Variants in STPG2 observed in about 807,000 individuals in gnomAD.
The protein encoded by STPG2 is sperm-tail PG-rich repeat-containing protein 2.
A neutral mutation model predicts 54.2 loss-of-function variants in STPG2; 56 were observed. The observed-to-expected ratio is 1.03, with a 90% CI of 0.83 to 1.29. The LOEUF (loss-of-function observed/expected upper bound fraction) is 1.29. Ranked by LOEUF, STPG2 falls within the 50% of genes most tolerant of loss-of-function variation. STPG2 has a pLI of 0.00. For synonymous variants in STPG2, 200 were observed against 181.8 expected, an observed-to-expected ratio of 1.10 and a Z score of -0.81; for missense variants, 596 against 544.9, an observed-to-expected ratio of 1.09 and a Z score of -0.93.
chr4:97,886,473 T>C (rs1208070986), intron 8 of STPG2, among the ~76,000 whole-genome samples: 2 of 152,048 alleles, frequency 1.3e-5, no homozygotes, highest in African/African-American at 2.4e-5. Context: ...GGAACAAAAT[T>C]CCTGTGAGCA....
chr4:97,618,128 C>G (rs1733920158), intron 10 of STPG2, among the ~76,000 whole-genome samples: 1 of 152,160 alleles, frequency 6.6e-6, no homozygotes, highest in South Asian at 2.1e-4. Context: ...GGGTGGCTTT[C>G]TTGGCCTGTC....
At chr4:97,941,069 G>A (rs185054017) in intron 8 of STPG2, among the ~76,000 whole-genome samples, 20 of 152,146 alleles carry the variant, frequency 1.3e-4, no homozygotes, top group African/African-American at 4.8e-4. Context: ...TTTAGGTAGA[G>A]GGAGAACTCT....
rs189913295 is a variant in STPG2 at position 97,946,096 on chromosome 4, G to C, written c.934-2089C>G. On this transcript the variant is annotated intron_variant, in intron 7 of 10. Coordinates refer to ENST00000295268, the MANE Select transcript of STPG2 (RefSeq NM_174952.3). ...ATAGAAATAAAGGCCATTCTTGCAG[G>C]AGTGAGGTGGTATCTCATTGCGGTT... 7.0e-3 allele frequency among the ~76,000 whole-genome samples: 1,059 copies of C among 152,186 alleles called. 10 individuals are homozygous for C. The highest frequency in any genetic ancestry group is 8.5e-3 in the Non-Finnish European group (577 of 68,004).
At chr4:97,523,224 G>C (rs148284315) in intron 4 of STPG2, among the ~76,000 whole-genome samples, 2,384 of 151,892 alleles carry the variant, frequency 0.016, 56 homozygotes, top group African/African-American at 0.055. Context: ...CGAGCATTTA[G>C]GAGCTTTGAT....
intron 5 of STPG2, among the ~76,000 whole-genome samples, chr4:98,015,386 A>C (rs538741378): frequency 6.6e-6 from 1 of 152,334 alleles, no homozygotes; most frequent in South Asian, 2.1e-4. Context: ...CTCCATCAAA[A>C]AGTGGGCAAA....
At chr4:97,938,481 GC>G (rs1390641753) in intron 8 of STPG2, among the ~76,000 whole-genome samples, 1 of 37,236 alleles carries the variant, frequency 2.7e-5, no homozygotes, top group Admixed American at 2.7e-4. Context: ...ACAGCAGGCA[GC>G]CACAGTGACG....
intron 5 of STPG2, among the ~76,000 whole-genome samples, chr4:97,997,999 G>A (rs1735297085): frequency 6.6e-6 from 1 of 152,132 alleles, no homozygotes; most frequent in South Asian, 2.1e-4. Context: ...AAAAGAAGCG[G>A]AGACACCAGT....
intron 2 of STPG2, 118 bp from the exon 3 acceptor site, chr4:98,128,710 T>A: frequency 1.2e-6 from 1 of 821,014 alleles, no homozygotes; most frequent in East Asian, 3.0e-5. Flanking sequence ...AGTTTCATGA[T>A]ATAAAACAAA....
At chr4:97,597,564 C>A (rs893546102) in intron 10 of STPG2, among the ~76,000 whole-genome samples, 4 of 151,920 alleles carry the variant, frequency 2.6e-5, no homozygotes, top group Non-Finnish European at 4.4e-5. Context: ...CCCTGGGATG[C>A]AAGGTTGTTT....
intron 8 of STPG2, among the ~76,000 whole-genome samples, chr4:97,849,547 C>G (rs1729082948): frequency 6.6e-6 from 1 of 152,032 alleles, no homozygotes; most frequent in African/African-American, 2.4e-5. Context: ...TATCCAGAAT[C>G]TACAATGAAC....
intron 10 of STPG2, among the ~76,000 whole-genome samples, chr4:97,605,123 C>A (rs1430333128): frequency 6.6e-6 from 1 of 151,560 alleles, no homozygotes; most frequent in East Asian, 1.9e-4. Flanking sequence ...ACAGTTATAC[C>A]CATTTGCTTC....
intron 8 of STPG2, among the ~76,000 whole-genome samples, chr4:97,864,436 A>G (rs561747934): frequency 9.8e-5 from 15 of 152,294 alleles, no homozygotes; most frequent in Non-Finnish European, 1.6e-4. Context: ...CAGTGAAATA[A>G]AAGAGGACAC....
At chr4:98,046,050 C>A (rs866426786) in intron 5 of STPG2, among the ~76,000 whole-genome samples, 1 of 136,498 alleles carries the variant, frequency 7.3e-6, no homozygotes. Context: ...TTTTTTCATT[C>A]TTTTTTTTTT....
intron 8 of STPG2, among the ~76,000 whole-genome samples, chr4:97,908,681 AG>A (rs1252101141): frequency 9.9e-4 from 151 of 152,004 alleles, no homozygotes; most frequent in African/African-American, 3.4e-3. Flanking sequence ...AATACTATGC[AG>A]CCATAAAAAA....
At chr4:97,965,952 C>T (rs1310999563) in intron 7 of STPG2, among the ~76,000 whole-genome samples, 1 of 152,132 alleles carries the variant, frequency 6.6e-6, no homozygotes, top group Admixed American at 6.5e-5. Flanking sequence ...AACCAGAGTG[C>T]CTCTTCTCCT....
chr4:97,640,736 CAT>C (rs1383174592), intron 10 of STPG2, among the ~76,000 whole-genome samples: 2 of 151,260 alleles, frequency 1.3e-5, no homozygotes, highest in Middle Eastern at 3.5e-3. Context: ...AAATACAACA[CAT>C]ATAAAATTGT....
At chr4:97,474,016 T>A (rs1730010956) in intron 4 of STPG2, among the ~76,000 whole-genome samples, 1 of 152,148 alleles carries the variant, frequency 6.6e-6, no homozygotes, top group South Asian at 2.1e-4. Flanking sequence ...TGGATACATG[T>A]CATTATACAT....
At chr4:97,902,157 T>C (rs1233619962) in intron 8 of STPG2, among the ~76,000 whole-genome samples, 1 of 151,878 alleles carries the variant, frequency 6.6e-6, no homozygotes, top group African/African-American at 2.4e-5. Flanking sequence ...CAATTCAAAA[T>C]CAATTAAAGA....
chr4:97,714,578 A>G (rs557620341), intron 9 of STPG2, among the ~76,000 whole-genome samples: 12 of 152,294 alleles, frequency 7.9e-5, no homozygotes, highest in Admixed American at 2.6e-4. Flanking sequence ...TGCAAATGCC[A>G]TCTTACTATA....
Sources: allele counts gnomAD v4.1 joint callset (sites outside exome capture counted in the v4.1 genomes callset), GRCh38; gene constraint gnomAD v4.1.1; transcripts MANE v1.5; gene names NCBI Gene and HGNC (gene_info 2026-07-23, HGNC 2026-07-21).